SNTG1: variants seen among roughly 807,000 people sequenced by gnomAD.
SNTG1 encodes syntrophin gamma 1.
Under a neutral mutation model 74.7 loss-of-function variants are expected in SNTG1, and 39 were observed. The ratio of observed to expected loss-of-function variants is 0.52; its 90% confidence interval spans 0.40 to 0.68. The LOEUF is 0.68. Ranked by LOEUF, SNTG1 falls within the 30% of genes least tolerant of loss-of-function variation. The pLI is 0.00. For missense variants in SNTG1, 685 were observed against 609.5 expected, an observed-to-expected ratio of 1.12 and a Z score of -1.30; for synonymous variants, 254 against 217.1, an observed-to-expected ratio of 1.17 and a Z score of -1.49.
chr8:49,994,367 A>G (rs1813990154), intron 1 of SNTG1, among the ~76,000 whole-genome samples: 1 of 147,954 alleles, frequency 6.8e-6, no homozygotes, highest in African/African-American at 2.5e-5. Flanking sequence ...GTGATTCTCC[A>G]GTCTCAGCTT....
intron 1 of SNTG1, among the ~76,000 whole-genome samples, chr8:49,973,812 G>A (rs189001567): frequency 1.3e-5 from 2 of 152,250 alleles, no homozygotes; most frequent in African/African-American, 4.8e-5. Context: ...GATAAATTTG[G>A]ATACCATTTG....
rs1317183663 is a variant in SNTG1, at chr8:50,232,040, G to A, written c.-28+59405G>A. 4.0e-5 allele frequency among the ~76,000 whole-genome samples: 6 copies of A among 151,292 alleles called. No individual in the cohort carries two copies. The South Asian group carries it at 6.2e-4, about 16-fold the overall frequency. ...GAAATGAACACCAATTCTATGCAAC[G>A]TCTTCCTGAAAATGAAAGAAGATAA... On this transcript the variant is annotated intron_variant, in intron 2 of 18. Transcript: ENST00000642720.
intron 2 of SNTG1, among the ~76,000 whole-genome samples, chr8:50,256,284 A>C (rs1257301521): frequency 6.6e-6 from 1 of 152,154 alleles, no homozygotes; most frequent in Non-Finnish European, 1.5e-5. Flanking sequence ...GGTACTATAT[A>C]TTGTTTTCTT....
chr8:49,939,540 A>G (rs1160699117), intron 1 of SNTG1, among the ~76,000 whole-genome samples: 1 of 152,172 alleles, frequency 6.6e-6, no homozygotes, highest in Non-Finnish European at 1.5e-5. Flanking sequence ...GGCTCAAACA[A>G]TCTTTTCCAC....
chr8:50,536,873 T>G (rs2094312116), intron 11 of SNTG1, 65 bp downstream of exon 11: 1 of 1,585,822 alleles, frequency 6.3e-7, no homozygotes, highest in Non-Finnish European at 8.6e-7. Flanking sequence ...TAGAAAACCT[T>G]TTGACATATC....
At chr8:50,102,684 T>C (rs895128306) in intron 1 of SNTG1, among the ~76,000 whole-genome samples, 5 of 150,826 alleles carry the variant, frequency 3.3e-5, no homozygotes, top group African/African-American at 7.5e-5. Context: ...AGGGTTTTTA[T>C]GGTTTTAGGT....
At chr8:49,919,022 AG>A (rs1189944829) in intron 1 of SNTG1, among the ~76,000 whole-genome samples, 2 of 152,140 alleles carry the variant, frequency 1.3e-5, no homozygotes, top group African/African-American at 4.8e-5. Context: ...TTCATTCCAA[AG>A]TACGGTTTGC....
At chr8:50,356,009 T>C (rs1056397428) in intron 2 of SNTG1, among the ~76,000 whole-genome samples, 2 of 152,190 alleles carry the variant, frequency 1.3e-5, no homozygotes, top group African/African-American at 4.8e-5. Flanking sequence ...TCTGGCTTTT[T>C]CTGCTGCCCA....
chr8:50,734,327 G>C (rs923738064), intron 17 of SNTG1, among the ~76,000 whole-genome samples: 7 of 151,592 alleles, frequency 4.6e-5, no homozygotes, highest in Non-Finnish European at 8.9e-5. Flanking sequence ...TCAGGATAGT[G>C]ACAGTATCTT....
chr8:50,138,220 T>C (rs1586435085), intron 1 of SNTG1, among the ~76,000 whole-genome samples: 1 of 151,960 alleles, frequency 6.6e-6, no homozygotes, highest in South Asian at 2.1e-4. Flanking sequence ...TTCACACATA[T>C]GTTTTCCACG....
At chr8:50,578,262 G>T (rs550205651) in intron 12 of SNTG1, among the ~76,000 whole-genome samples, 2 of 152,296 alleles carry the variant, frequency 1.3e-5, no homozygotes, top group South Asian at 4.1e-4. Context: ...GGCAGATATG[G>T]TTTTGATTAT....
intron 9 of SNTG1, among the ~76,000 whole-genome samples, chr8:50,517,812 C>A (rs933652331): frequency 2.0e-5 from 3 of 152,042 alleles, no homozygotes; most frequent in African/African-American, 7.3e-5. Context: ...AAGGCAAATT[C>A]TTGGAGACCT....
chr8:49,933,604 C>G (rs1050350272), intron 1 of SNTG1, among the ~76,000 whole-genome samples: 2 of 152,170 alleles, frequency 1.3e-5, no homozygotes, highest in African/African-American at 2.4e-5. Context: ...GTTTAAGAAG[C>G]TGTTCTTTTC....
intron 2 of SNTG1, among the ~76,000 whole-genome samples, chr8:50,375,242 T>C (rs2092353500): frequency 6.6e-6 from 1 of 152,138 alleles, no homozygotes; most frequent in Non-Finnish European, 1.5e-5. Flanking sequence ...GAATCTATAC[T>C]CTAATGTCAT....
chr8:49,979,223 C>T (rs1812454526), intron 1 of SNTG1, among the ~76,000 whole-genome samples: 1 of 152,184 alleles, frequency 6.6e-6, no homozygotes, highest in Non-Finnish European at 1.5e-5. Context: ...TGGGGCGGTG[C>T]AGCCAGAGCG....
At chr8:50,043,837 G>A (rs1176208449) in intron 1 of SNTG1, among the ~76,000 whole-genome samples, 1 of 152,136 alleles carries the variant, frequency 6.6e-6, no homozygotes, top group Non-Finnish European at 1.5e-5. Flanking sequence ...CAGCAATGTA[G>A]GCTGAGGTGG....
chr8:50,598,782 G>C lies in SNTG1; in HGVS notation c.849+7865G>C, dbSNP rs183725599. Among the ~76,000 whole-genome samples, 11 of 151,870 alleles carry C rather than the reference G, an allele frequency of 7.2e-5. 1 individual carries two copies. The East Asian group carries it at 2.1e-3, about 29-fold the overall frequency. On this transcript the variant is annotated intron_variant, in intron 13 of 18. Transcript: ENST00000642720. ...AATGCTTTATAGTTTTTATTATAGA[G>C]ATCTTTCATTTTTCTGGCTAAGTTT... is the stretch of plus-strand genomic sequence containing the variant.
At chr8:50,503,946 A>T (rs2093985056) in intron 9 of SNTG1, among the ~76,000 whole-genome samples, 1 of 152,100 alleles carries the variant, frequency 6.6e-6, no homozygotes, top group Admixed American at 6.6e-5. Context: ...CAGTTATTGA[A>T]ATTAGTACCC....
At chr8:50,001,340 G>A (rs1231926434) in intron 1 of SNTG1, among the ~76,000 whole-genome samples, 1 of 152,084 alleles carries the variant, frequency 6.6e-6, no homozygotes, top group African/African-American at 2.4e-5. Context: ...AACTCTTTGG[G>A]CAGCCTTGAG....
Sources: allele counts gnomAD v4.1 joint callset (sites outside exome capture counted in the v4.1 genomes callset), GRCh38; gene constraint gnomAD v4.1.1; transcripts MANE v1.5; gene names NCBI Gene and HGNC (gene_info 2026-07-23, HGNC 2026-07-21).